The following GTPBP8 variants were observed in gnomAD, a reference collection of about 807,000 sequenced individuals.
The protein encoded by GTPBP8 is GTP binding protein 8.
In GTPBP8, 21 loss-of-function variants were observed where a neutral mutation model predicts 27.3. The ratio of observed to expected loss-of-function variants is 0.77; its 90% confidence interval spans 0.55 to 1.11. GTPBP8 has a LOEUF of 1.11. Ranked by LOEUF, GTPBP8 falls within the 50% of genes least tolerant of loss-of-function variation. The pLI is 0.00. For missense variants in GTPBP8, 380 were observed against 350.8 expected (o/e 1.08, Z -0.67); for synonymous variants, 147 against 135.3 (o/e 1.09, Z -0.60).
intron 1 of GTPBP8, 23 bp from the exon 2 acceptor site, chr3:112,993,003 T>G: frequency 7.5e-7 from 1 of 1,334,188 alleles, no homozygotes; most frequent in Non-Finnish European, 1.1e-6. Flanking sequence ...AGTACGTACT[T>G]ATCTTGTTTT....
chr3:113,001,951 A>C lies in GTPBP8; in HGVS notation c.*1032A>C, dbSNP rs990487960. 5 of 152,220 alleles carry C rather than the reference A, an allele frequency of 3.3e-5. No homozygotes were observed. Among genetic ancestry groups the C allele is most frequent in the African/African-American group, 1.2e-4 (5 of 41,462 alleles). 9.4% of individuals were successfully genotyped at this position (152,220 alleles called of 1,614,324 possible). The stretch of plus-strand genomic sequence containing the variant: ...GTTATAGCTGTATTGCTGGATAACA[A>C]ATTAAAGCTATAAACCAACTTCGTG... On this transcript the variant is annotated 3_prime_UTR_variant, in exon 6 of 6. Transcript: ENST00000383678.
Position 112,991,393 on chromosome 3 carries a change from C to G in GTPBP8, c.336+58C>G, listed in dbSNP as rs764354852. 4 of 1,493,964 alleles carry G rather than the reference C, an allele frequency of 2.7e-6. No homozygotes were observed. The African/African-American group carries it at 5.5e-5, about 21-fold the overall frequency. 92.5% of individuals were successfully genotyped at this position (1,493,964 alleles called of 1,614,324 possible). On this transcript the variant is annotated intron_variant, in intron 1 of 5. Transcript: ENST00000383678. ...CCGGCGTCACAGCGCTAACCGCTTC[C>G]CTGGCCGTCCGGCTCGCGGGTGATT...
chr3:112,994,337 C>T (rs1308533141), intron 2 of GTPBP8, among the ~76,000 whole-genome samples: 1 of 151,490 alleles, frequency 6.6e-6, no homozygotes, highest in Non-Finnish European at 1.5e-5. Context: ...GCAAGAGAAT[C>T]GCTTGAACCC....
chr3:112,997,326 C>T (rs905201068), intron 4 of GTPBP8, among the ~76,000 whole-genome samples: 3 of 152,164 alleles, frequency 2.0e-5, no homozygotes, highest in African/African-American at 7.2e-5. Flanking sequence ...AGCTCTTTAA[C>T]AGCAGCGTGG....
chr3:112,999,908 G>A, intron 5 of GTPBP8, among the ~76,000 whole-genome samples: 1 of 152,128 alleles, frequency 6.6e-6, no homozygotes, highest in East Asian at 1.9e-4. Context: ...TTAGAATAAT[G>A]GTCTCCACCT....
chr3:113,000,980 T>TA lies in GTPBP8; in HGVS notation c.*64dup. ...AAAAAAGCTTTATGCTAACTGGAGTTAAATACCTAGAAGAATTTCAACATT... is the reference window on the plus strand; with the variant it reads ...AAAAAAGCTTTATGCTAACTGGAGTTAAAATACCTAGAAGAATTTCAACATT... On this transcript the variant is annotated 3_prime_UTR_variant, in exon 6 of 6. Coordinates refer to ENST00000383678, the MANE Select transcript of GTPBP8 (RefSeq NM_014170.4). The TA allele has an allele frequency of 1.1e-6, 1 of 890,270 alleles. No homozygotes were observed. The highest frequency in any genetic ancestry group is 1.8e-6 in the Non-Finnish European group (1 of 551,792). The allele number at this position is 890,270 out of a possible 1,614,324, so 55.1% of individuals were successfully genotyped here. A position where few individuals can be genotyped will look rare whatever the true frequency, so the allele number is the denominator to read the frequency against.
chr3:113,000,482 GATAA>G, intron 5 of GTPBP8, among the ~76,000 whole-genome samples: 1 of 152,270 alleles, frequency 6.6e-6, no homozygotes, highest in South Asian at 2.1e-4. Context: ...AAGACAGATA[GATAA>G]ATAATATGTA....
intron 5 of GTPBP8, among the ~76,000 whole-genome samples, chr3:112,999,832 T>G (rs1266249717): frequency 2.0e-5 from 3 of 152,172 alleles, no homozygotes; most frequent in Non-Finnish European, 2.9e-5. Context: ...TGTGTCCTCA[T>G]AGCTTAGCTC....
chr3:112,998,875 G>A (rs1471722206), intron 4 of GTPBP8, among the ~76,000 whole-genome samples: 1 of 152,088 alleles, frequency 6.6e-6, no homozygotes, highest in Non-Finnish European at 1.5e-5. Flanking sequence ...AGGAATATCT[G>A]GTGGATTAAG....
chr3:112,995,926 A>G (rs546086556), intron 3 of GTPBP8, among the ~76,000 whole-genome samples: 1 of 152,272 alleles, frequency 6.6e-6, no homozygotes, highest in East Asian at 1.9e-4. Context: ...TCATTCTTAA[A>G]ATACTTCAGA....
chr3:113,000,039 A>T lies in GTPBP8; in HGVS notation c.785+475A>T, dbSNP rs540830745. Among the ~76,000 whole-genome samples the T allele has an allele frequency of 7.2e-5, 11 of 152,258 alleles. No individual in the cohort carries two copies. The East Asian group carries it at 1.7e-3, about 24-fold the overall frequency. On this transcript the variant is annotated intron_variant, in intron 5 of 5. Coordinates refer to ENST00000383678, the MANE Select transcript of GTPBP8 (RefSeq NM_014170.4). ...TTAGTTGAATTGTTTTTATAACGTT[A>T]TGTACTGAAAACCTGTAATATTATC...
chr3:112,991,293 C>T lies in GTPBP8; in HGVS notation c.294C>T (p.Ser98=). 6.2e-7 allele frequency: 1 copy of T among 1,613,368 alleles called. No homozygotes were observed. Among genetic ancestry groups the T allele is most frequent in the Non-Finnish European group, 8.5e-7 (1 of 1,180,030 alleles). ...GGAACCGCATCGACTACGTCAGCTC[C>T]GCCGTCCGTATCGACCACGCCCCGG... ...TERNRIDYVS[S]AVRIDHAPDL... is the part of the protein sequence containing the mutation. Residue 98 remains serine, a synonymous_variant, in exon 1 of 6, where the codon TCC becomes TCT. Coordinates refer to ENST00000383678, the MANE Select transcript of GTPBP8 (RefSeq NM_014170.4).
At chr3:113,000,032 TA>T (rs949715279) in intron 5 of GTPBP8, among the ~76,000 whole-genome samples, 1 of 152,206 alleles carries the variant, frequency 6.6e-6, no homozygotes, top group African/African-American at 2.4e-5. Context: ...ATTGTTTTTA[TA>T]ACGTTATGTA....
chr3:112,991,946 G>A (rs1013928080), intron 1 of GTPBP8: 4 of 234,062 alleles, frequency 1.7e-5, no homozygotes, highest in African/African-American at 9.4e-5. Context: ...ATTCTTGCAT[G>A]TCCTACAATT....
intron 4 of GTPBP8, among the ~76,000 whole-genome samples, chr3:112,998,328 C>G (rs938322776): frequency 6.6e-6 from 1 of 152,102 alleles, no homozygotes; most frequent in African/African-American, 2.4e-5. Context: ...CAACTACCCC[C>G]TCTTTGGGTT....
rs1253510822 is a variant in GTPBP8, at chr3:112,996,972, A to T, written c.647A>T (p.Glu216Val). ...TDNIAIEMCE[E>V]FALPYVIVLT... ...AATATTGCCATAGAAATGTGTGAAG[A>T]ATTTGCATTACCTTATGTGGTAAGT... The change falls in exon 4 of 6, where the codon GAA becomes GTA. Residue 216 changes from glutamate to valine, a missense_variant. Glu to Val is a moderately radical substitution (Grantham distance 121, BLOSUM62 -2). Coordinates refer to ENST00000383678, the MANE Select transcript of GTPBP8 (RefSeq NM_014170.4). 6.6e-7 allele frequency: 1 copy of T among 1,518,156 alleles called. No individual in the cohort carries two copies. Among genetic ancestry groups the T allele is most frequent in the African/African-American group, 1.4e-5 (1 of 73,188 alleles). The allele number at this position is 1,518,156 out of a possible 1,614,324, so 94.0% of individuals were successfully genotyped here.
rs2107375509 is a variant in GTPBP8, at chr3:113,001,559, G to C, written c.*640G>C. 1 of 152,268 alleles carries C rather than the reference G, an allele frequency of 6.6e-6. No individual in the cohort carries two copies. Among genetic ancestry groups the C allele is most frequent in the East Asian group, 1.9e-4 (1 of 5,188 alleles). The allele number at this position is 152,268 out of a possible 1,614,324, so 9.4% of individuals were successfully genotyped here. On this transcript the variant is annotated 3_prime_UTR_variant, in exon 6 of 6. Transcript: ENST00000383678. ...TTACTGTAAACGTGAAAGCTATTAA[G>C]ATTCAAATGAATGGTTTTACAGCAG...
chr3:112,991,320 C>T lies in GTPBP8; in HGVS notation c.321C>T (p.Asp107=). 6.2e-7 allele frequency: 1 copy of T among 1,613,580 alleles called. No individual in the cohort carries two copies. Among genetic ancestry groups the T allele is most frequent in the Non-Finnish European group, 8.5e-7 (1 of 1,179,966 alleles). ...SSAVRIDHAP[D]LPRPEVCFIG... is the part of the protein sequence containing the mutation. ...CCGTCCGTATCGACCACGCCCCGGA[C>T]CTTCCGCGGCCAGAGGTGAGAGGCG... The change falls in exon 1 of 6, where the codon GAC becomes GAT. Residue 107 remains aspartate (D), a synonymous_variant. Coordinates refer to ENST00000383678, the MANE Select transcript of GTPBP8 (RefSeq NM_014170.4).
chr3:112,995,741 TG>T (rs1933773221), intron 3 of GTPBP8, among the ~76,000 whole-genome samples: 1 of 152,164 alleles, frequency 6.6e-6, no homozygotes, highest in Admixed American at 6.5e-5. Context: ...TTCACTGTGT[TG>T]GCCAGGCTGG....
Sources: allele counts gnomAD v4.1 joint callset (sites outside exome capture counted in the v4.1 genomes callset), GRCh38; gene constraint gnomAD v4.1.1; transcripts MANE v1.5; gene names NCBI Gene and HGNC (gene_info 2026-07-23, HGNC 2026-07-21).